Variants in SLC4A8 observed in about 807,000 individuals in gnomAD.
SLC4A8 encodes solute carrier family 4 member 8.
SLC4A8 carries 40 observed loss-of-function variants against 125.0 expected under a neutral mutation model. That is an observed-to-expected ratio of 0.32 (90% confidence interval 0.25 to 0.42). The LOEUF (loss-of-function observed/expected upper bound fraction) is 0.42, where lower values mean the gene tolerates loss of function less well. Among genes scored for constraint, SLC4A8 ranks in the 10% least tolerant of loss-of-function variants. The pLI is 1.00. For missense variants in SLC4A8, 863 were observed against 1,355.1 expected (o/e 0.64, Z 5.70); for synonymous variants, 456 against 476.0 (o/e 0.96, Z 0.55).
In SLC4A8 at chr12:51,491,233, A is replaced by T. The variant is rs140164747; in HGVS notation, c.2700+1282A>T. 2.8e-3 allele frequency among the ~76,000 whole-genome samples: 419 copies of T among 152,224 alleles called. 2 individuals carry two copies. The highest frequency in any genetic ancestry group is 9.8e-3 in the African/African-American group (405 of 41,516). ...GAGGAGGGTTCTGGACTAAAATATA[A>T]ATTTGGGTATAAATTTGGGAGTCAA... is the stretch of plus-strand genomic sequence containing the variant. On this transcript the variant is annotated intron_variant, in intron 19 of 24. Coordinates refer to ENST00000453097, the MANE Select transcript of SLC4A8 (RefSeq NM_001039960.3).
chr12:51,403,846 C>T (rs976716494), intron 1 of SLC4A8, among the ~76,000 whole-genome samples: 2 of 152,234 alleles, frequency 1.3e-5, no homozygotes, highest in African/African-American at 2.4e-5. Context: ...GTAGGCAGGG[C>T]GGTTGCTAGC....
At position 51,440,769 on chromosome 12, in the gene SLC4A8, A is replaced by T. The variant is rs144198393; in HGVS notation, c.110A>T (p.Tyr37Phe). The T allele has an allele frequency of 8.7e-6, 14 of 1,607,680 alleles. No individual in the cohort carries two copies. Among genetic ancestry groups the T allele is most frequent in the Non-Finnish European group, 1.2e-5 (14 of 1,178,246 alleles). ...ACCAGTACAATTCTCAACATTCACT[A>T]TGAAAAAGAAGAGCTGGAAGGTAAG... is the stretch of plus-strand genomic sequence containing the variant. ...GGTSTILNIH[Y>F]EKEELEGHRT... Residue 37 changes from tyrosine (Y) to phenylalanine (F), a missense_variant, in exon 2 of 25, where the codon TAT (tyrosine) becomes TTT (phenylalanine). This residue lies in a region of SLC4A8 where 104 missense variants were observed against 116.4 expected (regional missense o/e 0.89). Coordinates refer to ENST00000453097, the MANE Select transcript of SLC4A8 (RefSeq NM_001039960.3).
intron 21 of SLC4A8, among the ~76,000 whole-genome samples, chr12:51,495,824 A>G (rs1951446848): frequency 6.6e-6 from 1 of 152,182 alleles, no homozygotes; most frequent in Non-Finnish European, 1.5e-5. Flanking sequence ...TTCAAGGTTC[A>G]TCCATGTTGT....
intron 1 of SLC4A8, among the ~76,000 whole-genome samples, chr12:51,436,606 G>GTTAT (rs1057009909): frequency 3.6e-4 from 55 of 151,846 alleles, no homozygotes; most frequent in Non-Finnish European, 3.2e-4. Context: ...TCTTTTATTT[G>GTTAT]TTATTTATTT....
intron 2 of SLC4A8, among the ~76,000 whole-genome samples, chr12:51,445,061 C>T (rs1949730088): frequency 6.6e-6 from 1 of 152,182 alleles, no homozygotes; most frequent in African/African-American, 2.4e-5. Flanking sequence ...AACTGAAAGT[C>T]ACCTCTCACT....
chr12:51,481,015 C>T (rs977510385), intron 16 of SLC4A8, among the ~76,000 whole-genome samples: 3 of 152,286 alleles, frequency 2.0e-5, no homozygotes, highest in East Asian at 3.9e-4. Context: ...CCTCTCTGGG[C>T]GTTTTTCTTT....
chr12:51,440,918 G>A (rs1390852251), intron 2 of SLC4A8, 129 bp downstream of exon 2: 1 of 968,260 alleles, frequency 1.0e-6, no homozygotes, highest in Admixed American at 3.5e-5. Flanking sequence ...ATTTCCTTTA[G>A]CCTCACTTTC....
intron 16 of SLC4A8, among the ~76,000 whole-genome samples, chr12:51,477,891 G>A (rs1950899113): frequency 6.6e-6 from 1 of 152,222 alleles, no homozygotes; most frequent in Non-Finnish European, 1.5e-5. Flanking sequence ...CATTTTAAGG[G>A]AGGCCGAGGT....
chr12:51,482,711 C>G (rs923274747), intron 16 of SLC4A8, among the ~76,000 whole-genome samples: 1 of 152,140 alleles, frequency 6.6e-6, no homozygotes, highest in African/African-American at 2.4e-5. Context: ...ACATGCTACT[C>G]TACACTTACA....
intron 1 of SLC4A8, among the ~76,000 whole-genome samples, chr12:51,401,051 T>C (rs1273199482): frequency 6.6e-6 from 1 of 151,366 alleles, no homozygotes; most frequent in Non-Finnish European, 1.5e-5. Flanking sequence ...AACATACAGA[T>C]GGGCAGGTTG....
chr12:51,455,607 C>T (rs958629577), intron 5 of SLC4A8, among the ~76,000 whole-genome samples: 1 of 152,128 alleles, frequency 6.6e-6, no homozygotes, highest in Non-Finnish European at 1.5e-5. Flanking sequence ...TGGAGAAACA[C>T]CTGGATGCAT....
intron 24 of SLC4A8, among the ~76,000 whole-genome samples, chr12:51,506,616 T>A (rs1214870690): frequency 2.0e-5 from 3 of 152,156 alleles, no homozygotes; most frequent in Non-Finnish European, 4.4e-5. Flanking sequence ...TGCATTTTTA[T>A]AGAGATGAGG....
intron 2 of SLC4A8, among the ~76,000 whole-genome samples, chr12:51,448,001 G>A (rs1030133275): frequency 1.3e-5 from 2 of 152,184 alleles, no homozygotes; most frequent in African/African-American, 4.8e-5. Context: ...CTACAGGCGT[G>A]AGCCACCACG....
chr12:51,414,307 C>G (rs1255745329), intron 1 of SLC4A8, among the ~76,000 whole-genome samples: 1 of 151,908 alleles, frequency 6.6e-6, no homozygotes, highest in Non-Finnish European at 1.5e-5. Flanking sequence ...TTGGTCAGTT[C>G]TAAGAGTTTT....
chr12:51,448,597 A>C (rs1215839513), intron 2 of SLC4A8, among the ~76,000 whole-genome samples: 2 of 152,220 alleles, frequency 1.3e-5, no homozygotes, highest in Admixed American at 1.3e-4. Flanking sequence ...ATGGAGCAGC[A>C]CAGTCAGAGT....
Position 51,441,123 on chromosome 12 carries a change from T to C in SLC4A8, c.130+334T>C, listed in dbSNP as rs1449014683. ...TTAATTCTTGACAACTGCCTGGAAA[T>C]ACAAATAAATACAAAACTTAAAGAG... On this transcript the variant is annotated intron_variant, in intron 2 of 24. Transcript: ENST00000453097. 3 of 1,006,720 alleles carry C rather than the reference T, an allele frequency of 3.0e-6. No individual in the cohort carries two copies. The African/African-American group carries it at 5.2e-5, about 17-fold the overall frequency. 62.4% of individuals were successfully genotyped at this position (1,006,720 alleles called of 1,614,324 possible). A position where few individuals can be genotyped will look rare whatever the true frequency, so the allele number is the denominator to read the frequency against.
At chr12:51,447,014 G>A (rs1356127857) in intron 2 of SLC4A8, among the ~76,000 whole-genome samples, 2 of 149,652 alleles carry the variant, frequency 1.3e-5, no homozygotes, top group Non-Finnish European at 3.0e-5. Flanking sequence ...ACTAACCAAG[G>A]GTGCTGGGAA....
In SLC4A8 at chr12:51,453,567, G is replaced by A. The variant is rs1950034029; in HGVS notation, c.442G>A (p.Asp148Asn). ...GCTGAAGTTTGAAGAAGATGTTGAA[G>A]ATGGGGGAGAACGCTGGAGCAAGCC... ...RWLKFEEDVE[D>N]GGERWSKPYV... Residue 148 changes from aspartate to asparagine, a missense_variant, in exon 5 of 25, where the codon GAT becomes AAT. Coordinates refer to ENST00000453097, the MANE Select transcript of SLC4A8 (RefSeq NM_001039960.3). 3 of 1,614,186 alleles carry A rather than the reference G, an allele frequency of 1.9e-6. No homozygotes were observed. Among genetic ancestry groups the A allele is most frequent in the Non-Finnish European group, 2.5e-6 (3 of 1,179,994 alleles).
Position 51,488,796 on chromosome 12 carries a change from T to G in SLC4A8, c.2384T>G (p.Ile795Ser). Reference protein sequence around the residue: ...AAIIPALLCTILIFMDQQITA... With the variant: ...AAIIPALLCTSLIFMDQQITA... ...ATTATCCCAGCTCTTCTCTGTACTA[T>G]CTTGATATTCATGGATCAGCAGATC... The change falls in exon 18 of 25, where the codon ATC becomes AGC. Residue 795 changes from isoleucine to serine, a missense_variant. Physicochemically the swap from Ile to Ser is moderately radical, Grantham distance 142 (BLOSUM62 -2). Around this residue, in one of 6 missense-constraint regions of SLC4A8, gnomAD observed 197 missense variants for 377.7 expected, o/e 0.52. Coordinates refer to ENST00000453097, the MANE Select transcript of SLC4A8 (RefSeq NM_001039960.3). The G allele has an allele frequency of 6.2e-7, 1 of 1,613,784 alleles. No homozygotes were observed. Among genetic ancestry groups the G allele is most frequent in the Non-Finnish European group, 8.5e-7 (1 of 1,179,682 alleles).
Sources: allele counts gnomAD v4.1 joint callset (sites outside exome capture counted in the v4.1 genomes callset), GRCh38; gene constraint gnomAD v4.1.1; regional missense constraint gnomAD v4.1.1; transcripts MANE v1.5; gene names NCBI Gene and HGNC (gene_info 2026-07-23, HGNC 2026-07-21).